ETNK2: variants seen among roughly 807,000 people sequenced by gnomAD.
ETNK2 encodes ethanolamine kinase 2.
Under a neutral mutation model 46.2 loss-of-function variants are expected in ETNK2, and 33 were observed. The observed-to-expected ratio is 0.71, with a 90% confidence interval of 0.54 to 0.96. The LOEUF (loss-of-function observed/expected upper bound fraction) is 0.96. Among genes scored for constraint, ETNK2 ranks in the 40% least tolerant of loss-of-function variants. The pLI is 0.00. For synonymous variants in ETNK2, 194 were observed against 209.0 expected (o/e 0.93, Z 0.62); for missense variants, 445 against 509.7 (o/e 0.87, Z 1.22).
At position 204,140,114 on chromosome 1, in the gene ETNK2, G is replaced by A. The variant is rs140913993; in HGVS notation, c.789C>T (p.His263=). The change falls in exon 5 of 8, where the codon CAC becomes CAT. Residue 263 remains histidine (H), a synonymous_variant. Coordinates refer to ENST00000367202, the MANE Select transcript of ETNK2 (RefSeq NM_018208.4). The part of the protein sequence containing the change: ...KNIIYDSIKG[H]VRFIDYEYAG... ...CATATTCATAGTCAATGAACCGCAC[G>A]TGACCTATGAAGTAGAGGAGAATCG... 1.3e-4 allele frequency: 215 copies of A among 1,613,350 alleles called. 1 individual carries two copies. The South Asian group carries it at 2.0e-3, about 15-fold the overall frequency.
chr1:204,132,358 CTATCTAAGTCTGAGCAG>C (rs1657109468), intron 7 of ETNK2, 102 bp from the exon 8 acceptor site: 1 of 778,388 alleles, frequency 1.3e-6, no homozygotes, highest in East Asian at 2.7e-5. Context: ...GGCTCTAGGC[CTATCTAAGTCTGAGCAG>C]ATCAACCCCA....
At chr1:204,147,660 G>T in intron 2 of ETNK2, 2 of 465,834 alleles carry the variant, frequency 4.3e-6, no homozygotes, top group Middle Eastern at 7.6e-4. Flanking sequence ...GACAACAAAG[G>T]CCTTAGCTGT....
intron 7 of ETNK2, among the ~76,000 whole-genome samples, chr1:204,132,921 TACTCCCC>T (rs1314830233): frequency 1.3e-5 from 2 of 152,142 alleles, no homozygotes; most frequent in African/African-American, 4.8e-5. Flanking sequence ...TATTAAGCAA[TACTCCCC>T]ATTGCTCCCT....
At position 204,131,270 on chromosome 1, in the gene ETNK2, C is replaced by A; in HGVS notation, c.*914G>T. On this transcript the variant is annotated 3_prime_UTR_variant, in exon 8 of 8. Coordinates refer to ENST00000367202, the MANE Select transcript of ETNK2 (RefSeq NM_018208.4). The surrounding 1 kb of genome is among the most constrained non-coding windows in gnomAD (Gnocchi z 4.3). ...ACGATAGGCCCTGGGGGGCCCTGGC[C>A]CCCACCCCATCCTCTTGGCTCCCTC... 1 of 152,602 alleles carries A rather than the reference C, an allele frequency of 6.6e-6. No homozygotes were observed. Among genetic ancestry groups the A allele is most frequent in the Non-Finnish European group, 1.5e-5 (1 of 68,234 alleles). The allele number at this position is 152,602 out of a possible 1,614,324, so 9.5% of individuals were successfully genotyped here.
chr1:204,140,309 TCCA>T (rs777438953), intron 4 of ETNK2, among the ~76,000 whole-genome samples, 191 bp from the exon 5 acceptor site: 4,207 of 145,240 alleles, frequency 0.029, 183 homozygotes, highest in African/African-American at 0.095. Context: ...CATCCATCCA[TCCA>T]TCCATCCATC....
intron 3 of ETNK2, among the ~76,000 whole-genome samples, chr1:204,144,368 A>AAAAAAAAAAAAAAAAAAAC (rs1657696111): frequency 6.7e-6 from 1 of 149,710 alleles, no homozygotes. Context: ...AAAAAAAAAA[A>AAAAAAAAAAAAAAAAAAAC]AGCCATTTCC....
At position 204,134,467 on chromosome 1, in the gene ETNK2, C is replaced by G. The variant is rs527366847; in HGVS notation, c.1088+48G>C. On this transcript the variant is annotated intron_variant, in intron 7 of 7. Transcript: ENST00000367202. ...TCCTTTGCCCACACCCTGGGCTCAA[C>G]CAAGGCTCTCCCTTTTCTCCACGTC... 3.1e-6 allele frequency: 5 copies of G among 1,600,648 alleles called. No individual in the cohort carries two copies. In the East Asian group the frequency reaches 1.1e-4, roughly 36 times the overall value.
chr1:204,151,474 T>A lies in ETNK2; in HGVS notation c.258+121A>T. On this transcript the variant is annotated intron_variant, in intron 1 of 7. Coordinates refer to ENST00000367202, the MANE Select transcript of ETNK2 (RefSeq NM_018208.4). The surrounding 1 kb of genome is among the most constrained non-coding windows in gnomAD (Gnocchi z 8.0). Reference sequence around the variant, plus strand: ...GTACACAAACCACGTTCCAAACCTTTCTTGCGCAGCAGCCGCGCACCCCTG... The same window carrying A: ...GTACACAAACCACGTTCCAAACCTTACTTGCGCAGCAGCCGCGCACCCCTG... 1 of 1,390,518 alleles carries A rather than the reference T, an allele frequency of 7.2e-7. No homozygotes were observed. Among genetic ancestry groups the A allele is most frequent in the East Asian group, 2.6e-5 (1 of 38,666 alleles). The allele number at this position is 1,390,518 out of a possible 1,614,324, so 86.1% of individuals were successfully genotyped here.
At chr1:204,145,933 G>C (rs1394321044) in intron 3 of ETNK2, among the ~76,000 whole-genome samples, 1 of 152,134 alleles carries the variant, frequency 6.6e-6, no homozygotes, top group African/African-American at 2.4e-5. Context: ...CTAAAGGCTT[G>C]GAGGACTCTC....
chr1:204,133,685 C>T (rs1213307226), intron 7 of ETNK2, among the ~76,000 whole-genome samples: 2 of 151,960 alleles, frequency 1.3e-5, no homozygotes, highest in African/African-American at 2.4e-5. Flanking sequence ...GCGCCCGCCA[C>T]CACGCCCGGC....
Position 204,132,244 on chromosome 1 carries a change from G to A in ETNK2, c.1101C>T (p.Ile367=). 7 of 1,570,010 alleles carry A rather than the reference G, an allele frequency of 4.5e-6. No individual in the cohort carries two copies. In the Middle Eastern group the frequency reaches 1.2e-3, roughly 261 times the overall value. Residue 367 remains isoleucine (I), a synonymous_variant, in exon 8 of 8, where the codon ATC becomes ATT. Transcript: ENST00000367202. ...TCACCTTGAAGTACTGGTTGAATCG[G>A]ATCACTGCGTACCTGTGGGGAAGAC... ...IDFDFLRYAV[I]RFNQYFKVKP...
chr1:204,137,802 A>G (rs1657347560), intron 5 of ETNK2, among the ~76,000 whole-genome samples: 1 of 152,134 alleles, frequency 6.6e-6, no homozygotes, highest in Non-Finnish European at 1.5e-5. Flanking sequence ...CCCCCACCCC[A>G]GTCCAGTTCC....
chr1:204,140,547 CAG>C (rs1463447334), intron 4 of ETNK2, among the ~76,000 whole-genome samples: 3 of 150,396 alleles, frequency 2.0e-5, no homozygotes, highest in African/African-American at 4.9e-5. Flanking sequence ...TTTTTTGAGA[CAG>C]AGTCTCGCTC....
At chr1:204,137,042 G>A (rs1358342101) in intron 6 of ETNK2, 62 bp downstream of exon 6, 2 of 1,589,382 alleles carry the variant, frequency 1.3e-6, no homozygotes, top group Admixed American at 3.4e-5. Flanking sequence ...GGCTAGGTGG[G>A]TCACCAGTCC....
Position 204,151,907 on chromosome 1 carries a change from G to GT in ETNK2, c.-56dup. On this transcript the variant is annotated 5_prime_UTR_variant, in exon 1 of 8. It removes the in-frame stop codon of an upstream open reading frame in the 5' UTR. Coordinates refer to ENST00000367202, the MANE Select transcript of ETNK2 (RefSeq NM_018208.4). This position sits in a 1 kb window ranked among gnomAD's most constrained non-coding sequence, Gnocchi z 8.0. The stretch of plus-strand genomic sequence containing the variant: ...GGCAGACGCTAGCCCCGGCGGGGGG[G>GT]TCCGGCGAGGGAGTGGGAGTGGTAG... The GT allele has an allele frequency of 7.1e-7, 1 of 1,403,782 alleles. No homozygotes were observed. Among genetic ancestry groups the GT allele is most frequent in the Non-Finnish European group, 9.2e-7 (1 of 1,085,966 alleles). The allele number at this position is 1,403,782 out of a possible 1,614,324, so 87.0% of individuals were successfully genotyped here. A position where few individuals can be genotyped will look rare whatever the true frequency, so the allele number is the denominator to read the frequency against.
At chr1:204,142,681 G>A (rs1399415484) in intron 3 of ETNK2, 1 of 152,280 alleles carries the variant, frequency 6.6e-6, no homozygotes, top group Non-Finnish European at 1.5e-5. Flanking sequence ...GGATGAGGAT[G>A]AGACCGGCCC....
chr1:204,147,572 G>C, intron 2 of ETNK2: 1 of 532,042 alleles, frequency 1.9e-6, no homozygotes, highest in Non-Finnish European at 3.9e-6. Flanking sequence ...CCCCCCAACC[G>C]TCTGCTAAGA....
intron 4 of ETNK2, 33 bp from the exon 5 acceptor site, chr1:204,140,151 CCCAGGAGATCTGGCAACAGAG>C: frequency 2.5e-6 from 4 of 1,577,930 alleles, no homozygotes; most frequent in Non-Finnish European, 3.5e-6. Context: ...TGAGAGTTGG[CCCAGGAGATCTGGCAACAGAG>C]CCTGGTCAAG....
chr1:204,146,914 C>G (rs1243728674), intron 2 of ETNK2, 150 bp from the exon 3 acceptor site: 1 of 901,598 alleles, frequency 1.1e-6, no homozygotes, highest in Admixed American at 2.0e-5. Flanking sequence ...CTTAGGAGCA[C>G]AGGTCCTGCA....
Sources: allele counts gnomAD v4.1 joint callset (sites outside exome capture counted in the v4.1 genomes callset), GRCh38; gene constraint gnomAD v4.1.1; non-coding constraint Gnocchi (gnomAD v3.1); transcripts MANE v1.5; gene names NCBI Gene and HGNC (gene_info 2026-07-23, HGNC 2026-07-21).